GLG1: variants seen among roughly 807,000 people sequenced by gnomAD.
GLG1 encodes the protein golgi glycoprotein 1.
Under a neutral mutation model 160.5 loss-of-function variants are expected in GLG1, and 38 were observed. That is an observed-to-expected ratio of 0.24 (90% confidence interval 0.18 to 0.31). The LOEUF (loss-of-function observed/expected upper bound fraction) is 0.31, where lower values mean the gene tolerates loss of function less well. Ranked by LOEUF, GLG1 falls within the 10% of genes least tolerant of loss-of-function variation. The probability of loss-of-function intolerance (pLI) is 1.00; values close to 1 mark genes in which losing one functional copy is unlikely to be tolerated. For missense variants in GLG1, 1,373 were observed against 1,505.2 expected (o/e 0.91, Z 1.45); for synonymous variants, 644 against 543.4 (o/e 1.19, Z -2.57).
intron 22 of GLG1, chr16:74,461,831 A>G: frequency 3.2e-6 from 1 of 315,656 alleles, no homozygotes; most frequent in East Asian, 5.8e-5. Context: ...GAAGAAGGGA[A>G]GAACAAATTT....
intron 1 of GLG1, among the ~76,000 whole-genome samples, chr16:74,598,244 G>A (rs1274032818): frequency 1.3e-5 from 2 of 152,060 alleles, no homozygotes; most frequent in African/African-American, 4.8e-5. Context: ...AAAATTGGTC[G>A]GGCGCGGTGG....
chr16:74,566,909 T>C (rs1223381513), intron 1 of GLG1, among the ~76,000 whole-genome samples: 1 of 152,146 alleles, frequency 6.6e-6, no homozygotes, highest in African/African-American at 2.4e-5. Context: ...CATTAATTAT[T>C]TTAAACCTAA....
At chr16:74,506,485 G>A (rs2016607112) in intron 3 of GLG1, among the ~76,000 whole-genome samples, 1 of 148,004 alleles carries the variant, frequency 6.8e-6, no homozygotes, top group Non-Finnish European at 1.5e-5. Flanking sequence ...GGGAGGCTGA[G>A]GCAGGAGAAT....
chr16:74,572,300 C>G (rs1567531590), intron 1 of GLG1, among the ~76,000 whole-genome samples: 2 of 152,070 alleles, frequency 1.3e-5, no homozygotes, highest in East Asian at 1.9e-4. Context: ...CACCTGAGGT[C>G]AGGAGTTCAA....
intron 2 of GLG1, among the ~76,000 whole-genome samples, chr16:74,527,226 GT>G (rs763338873): frequency 4.2e-4 from 52 of 124,030 alleles, no homozygotes; most frequent in Non-Finnish European, 8.2e-4. Context: ...TACTGTTATT[GT>G]TTTGGCTTAA....
intron 11 of GLG1, among the ~76,000 whole-genome samples, chr16:74,478,445 C>A (rs925520134): frequency 6.6e-6 from 1 of 151,992 alleles, no homozygotes; most frequent in Non-Finnish European, 1.5e-5. Flanking sequence ...TACAGTTAGT[C>A]TCTCTTGCAA....
At chr16:74,591,804 T>C (rs762733219) in intron 1 of GLG1, among the ~76,000 whole-genome samples, 2 of 152,160 alleles carry the variant, frequency 1.3e-5, no homozygotes, top group Non-Finnish European at 2.9e-5. Context: ...AAAGTCACCA[T>C]CTTTCAGAAA....
At chr16:74,477,558 T>A (rs773048390) in intron 11 of GLG1, 25 bp from the exon 12 acceptor site, 5 of 1,597,982 alleles carry the variant, frequency 3.1e-6, no homozygotes, top group Non-Finnish European at 4.3e-6. Flanking sequence ...ATGAGCTAAA[T>A]ACTTGAAAGG....
At chr16:74,556,128 TG>T (rs2018346015) in intron 1 of GLG1, among the ~76,000 whole-genome samples, 1 of 152,226 alleles carries the variant, frequency 6.6e-6, no homozygotes, top group African/African-American at 2.4e-5. Context: ...CATGAGCCAC[TG>T]GTAAGAATAA....
intron 1 of GLG1, among the ~76,000 whole-genome samples, chr16:74,585,302 G>A (rs145867524): frequency 2.4e-4 from 36 of 151,868 alleles, no homozygotes; most frequent in East Asian, 1.2e-3. Context: ...CCAGCTACTC[G>A]GGAGACTGAG....
chr16:74,605,197 C>T (rs899982246), intron 1 of GLG1, among the ~76,000 whole-genome samples: 13 of 151,428 alleles, frequency 8.6e-5, no homozygotes, highest in Admixed American at 8.6e-4. Flanking sequence ...CCCAACCCCC[C>T]AAAACCCCCA....
intron 13 of GLG1, chr16:74,472,709 G>A: frequency 1.9e-6 from 1 of 521,280 alleles, no homozygotes; most frequent in Non-Finnish European, 3.4e-6. Context: ...AGTATGCAAA[G>A]CCTTTGCAGA....
At chr16:74,485,485 TTCTC>T (rs745693211) in intron 9 of GLG1, among the ~76,000 whole-genome samples, 2 of 152,226 alleles carry the variant, frequency 1.3e-5, no homozygotes, top group Non-Finnish European at 2.9e-5. Context: ...TCCTGAGTGT[TTCTC>T]TCTTTCATTT....
rs1455438413 is a variant in GLG1 at position 74,564,957 on chromosome 16, GTT to G, written c.439-32806_439-32805del. Among the ~76,000 whole-genome samples the G allele has an allele frequency of 3.3e-5, 5 of 152,166 alleles. No individual in the cohort carries two copies. In the East Asian group the frequency reaches 9.6e-4, roughly 29 times the overall value. The stretch of plus-strand genomic sequence containing the variant: ...CTTGTTCCCCACCTTGCAAAAGCCA[GTT>G]TTGTTACCTCCCAGTTGGATTTGAG... On this transcript the variant is annotated intron_variant, in intron 1 of 25. Coordinates refer to ENST00000422840, the MANE Select transcript of GLG1 (RefSeq NM_001145667.2).
intron 3 of GLG1, among the ~76,000 whole-genome samples, chr16:74,507,552 A>G (rs949912793): frequency 6.6e-6 from 1 of 152,168 alleles, no homozygotes; most frequent in Non-Finnish European, 1.5e-5. Context: ...CCTGGCCAAC[A>G]TGGCAAAACC....
At chr16:74,591,542 G>A (rs1470429135) in intron 1 of GLG1, among the ~76,000 whole-genome samples, 1 of 145,656 alleles carries the variant, frequency 6.9e-6, no homozygotes, top group East Asian at 2.1e-4. Context: ...GCAGGAGAAT[G>A]GCCTGAACCC....
chr16:74,503,570 G>A lies in GLG1; in HGVS notation c.735C>T (p.Ile245=). The stretch of plus-strand genomic sequence containing the variant: ...GAATACTGCCACATTTCAGAATGTT[G>A]ATGTCATTTTTGCAGTCATCCATGA... ...CGFMDDCKND[I]NILKCGSIRL... The change falls in exon 4 of 26, where the codon ATC becomes ATT. Residue 245 remains isoleucine (I), a synonymous_variant. Coordinates refer to ENST00000422840, the MANE Select transcript of GLG1 (RefSeq NM_001145667.2). 10 of 1,613,480 alleles carry A rather than the reference G, an allele frequency of 6.2e-6. No homozygotes were observed. Among genetic ancestry groups the A allele is most frequent in the Non-Finnish European group, 8.5e-6 (10 of 1,179,474 alleles).
chr16:74,482,441 A>G (rs896003147), intron 10 of GLG1, among the ~76,000 whole-genome samples: 1 of 152,148 alleles, frequency 6.6e-6, no homozygotes, highest in Non-Finnish European at 1.5e-5. Context: ...CAAGATGCGG[A>G]AAGAGGAGGG....
chr16:74,526,369 AG>A (rs1392025540), intron 2 of GLG1, among the ~76,000 whole-genome samples: 1 of 146,240 alleles, frequency 6.8e-6, no homozygotes, highest in African/African-American at 2.5e-5. Flanking sequence ...TTTGGCACTT[AG>A]AAAAAACTGA....
Sources: gnomAD v4.1 joint callset for allele counts (sites outside exome capture counted in the v4.1 genomes callset) on GRCh38, gnomAD v4.1.1 for gene constraint, MANE v1.5 for transcripts, NCBI Gene and HGNC (gene_info 2026-07-23, HGNC 2026-07-21) for gene names.